SPAG17: variants seen among roughly 807,000 people sequenced by gnomAD.
SPAG17 encodes the protein sperm associated antigen 17.
In SPAG17, 169 loss-of-function variants were observed where a neutral mutation model predicts 273.6. The ratio of observed to expected loss-of-function variants is 0.62; its 90% CI spans 0.55 to 0.70. The LOEUF (loss-of-function observed/expected upper bound fraction) is 0.70, where lower values mean the gene tolerates loss of function less well. Among genes scored for constraint, SPAG17 ranks in the 30% least tolerant of loss-of-function variants. The pLI is 0.00. For synonymous variants in SPAG17, 825 were observed against 873.2 expected (o/e 0.94, Z 0.97); for missense variants, 2,557 against 2,627.8 (o/e 0.97, Z 0.59).
At chr1:118,095,189 A>C (rs1655628475) in intron 7 of SPAG17, among the ~76,000 whole-genome samples, 1 of 152,238 alleles carries the variant, frequency 6.6e-6, no homozygotes, top group Admixed American at 6.5e-5. Context: ...GGAAGTGATT[A>C]AAATGTGGAC....
chr1:118,012,320 G>A lies in SPAG17; in HGVS notation c.4340C>T (p.Thr1447Ile). Residue 1447 changes from threonine to isoleucine, a missense_variant, in exon 30 of 49, where the codon ACT becomes ATT. Transcript: ENST00000336338. ...KVVIVERKDG[T>I]RIVDHADGTR... ...ACCATCAGCATGATCCACTATCCGA[G>A]TACCATCTTTCCTTTCAACTATGAC... The A allele has an allele frequency of 1.2e-6, 2 of 1,613,732 alleles. No homozygotes were observed. The highest frequency in any genetic ancestry group is 1.7e-6 in the Non-Finnish European group (2 of 1,179,790).
At chr1:118,146,985 T>C (rs1440049071) in intron 3 of SPAG17, among the ~76,000 whole-genome samples, 1 of 152,212 alleles carries the variant, frequency 6.6e-6, no homozygotes, top group African/African-American at 2.4e-5. Context: ...CCCCAGCTAA[T>C]GATAATCTCA....
chr1:118,046,818 T>C (rs188779785), intron 20 of SPAG17, among the ~76,000 whole-genome samples: 1 of 152,304 alleles, frequency 6.6e-6, no homozygotes, highest in East Asian at 1.9e-4. Flanking sequence ...GAGTGAATAT[T>C]AATGTTTCCT....
chr1:118,073,416 C>T (rs1346228244), intron 17 of SPAG17, among the ~76,000 whole-genome samples: 2 of 152,118 alleles, frequency 1.3e-5, no homozygotes, highest in African/African-American at 4.8e-5. Context: ...ATGGTAAGTG[C>T]TCAATGAATG....
intron 18 of SPAG17, 39 bp from the exon 19 acceptor site, chr1:118,055,953 G>A: frequency 6.6e-7 from 1 of 1,522,862 alleles, no homozygotes; most frequent in Non-Finnish European, 8.9e-7. Context: ...GAGTTACTAT[G>A]AAAGTCAATA....
chr1:118,061,834 A>C (rs1322377923), intron 18 of SPAG17, among the ~76,000 whole-genome samples: 1 of 152,228 alleles, frequency 6.6e-6, no homozygotes, highest in East Asian at 1.9e-4. Flanking sequence ...AGAATGAATC[A>C]AACAACATAG....
At chr1:117,997,807 C>G (rs1657823077) in intron 32 of SPAG17, among the ~76,000 whole-genome samples, 1 of 152,130 alleles carries the variant, frequency 6.6e-6, no homozygotes, top group East Asian at 1.9e-4. Context: ...TTTGTATTTC[C>G]TATAATTTTA....
intron 3 of SPAG17, among the ~76,000 whole-genome samples, chr1:118,140,270 T>G (rs965753673): frequency 2.0e-5 from 3 of 152,214 alleles, no homozygotes; most frequent in Non-Finnish European, 4.4e-5. Context: ...ATACATTTTT[T>G]CTTTTTTTAA....
intron 3 of SPAG17, 118 bp downstream of exon 3, chr1:118,150,425 C>T: frequency 2.0e-6 from 1 of 507,540 alleles, no homozygotes; most frequent in Admixed American, 4.0e-5. Context: ...ACAAATATCT[C>T]CAATGAGGAG....
At chr1:118,086,576 G>A in intron 12 of SPAG17, 95 bp downstream of exon 12, 1 of 1,023,976 alleles carries the variant, frequency 9.8e-7, no homozygotes, top group Non-Finnish European at 1.5e-6. Flanking sequence ...TTTAATTAGT[G>A]TTGATGAAGT....
chr1:117,954,100 G>GT, intron 48 of SPAG17, 51 bp from the exon 49 acceptor site: 1 of 1,610,660 alleles, frequency 6.2e-7, no homozygotes. Context: ...AGGGAAAGAG[G>GT]TAATAAGAGA....
chr1:117,994,595 C>A, intron 34 of SPAG17, 65 bp from the exon 35 acceptor site: 1 of 1,517,178 alleles, frequency 6.6e-7, no homozygotes, highest in Non-Finnish European at 8.9e-7. Flanking sequence ...AATGAAAACG[C>A]ATTGACTAAA....
At chr1:118,017,300 G>A (rs899972025) in intron 28 of SPAG17, among the ~76,000 whole-genome samples, 2 of 151,574 alleles carry the variant, frequency 1.3e-5, no homozygotes, top group Non-Finnish European at 2.9e-5. Flanking sequence ...CTCTCCTTCT[G>A]TTCTTGTTAC....
chr1:118,036,621 C>T, intron 24 of SPAG17, 149 bp downstream of exon 24: 1 of 607,932 alleles, frequency 1.6e-6, no homozygotes, highest in African/African-American at 1.9e-5. Context: ...CACACACACA[C>T]ACACCTCTTC....
chr1:118,080,060 G>A (rs959010018), intron 15 of SPAG17, among the ~76,000 whole-genome samples: 4 of 152,246 alleles, frequency 2.6e-5, no homozygotes, highest in Middle Eastern at 3.4e-3. Context: ...TAACGAGAGT[G>A]TAGATTAATT....
At chr1:118,094,369 C>G (rs1357388594) in intron 7 of SPAG17, among the ~76,000 whole-genome samples, 2 of 152,124 alleles carry the variant, frequency 1.3e-5, no homozygotes, top group Non-Finnish European at 2.9e-5. Context: ...TTTCAGCAAC[C>G]AGGGTCTTAA....
At chr1:118,102,336 G>T (rs980328543) in intron 4 of SPAG17, among the ~76,000 whole-genome samples, 2 of 151,580 alleles carry the variant, frequency 1.3e-5, no homozygotes, top group Non-Finnish European at 2.9e-5. Context: ...GAGAGGTGGG[G>T]TTGGTTATTA....
Position 118,028,377 on chromosome 1 carries a change from T to C in SPAG17, c.3627A>G (p.Pro1209=). 6.2e-7 allele frequency: 1 copy of C among 1,613,770 alleles called. No homozygotes were observed. Among genetic ancestry groups the C allele is most frequent in the Non-Finnish European group, 8.5e-7 (1 of 1,179,788 alleles). Residue 1209 remains proline (P), a synonymous_variant, in exon 26 of 49, where the codon CCA becomes CCG. Coordinates refer to ENST00000336338, the MANE Select transcript of SPAG17 (RefSeq NM_206996.4). The part of the protein sequence containing the change: ...EEEKKEEEVE[P]EPVLQETLDV... Reference sequence around the variant, plus strand: ...CCAAAGTCTCTTGTAAAACAGGTTCTGGTTCTACTTCTTCTTCCTGTAAAT... The same window carrying C: ...CCAAAGTCTCTTGTAAAACAGGTTCCGGTTCTACTTCTTCTTCCTGTAAAT...
At chr1:118,154,053 T>TG (rs1659525098) in intron 1 of SPAG17, among the ~76,000 whole-genome samples, 1 of 152,128 alleles carries the variant, frequency 6.6e-6, no homozygotes, top group Non-Finnish European at 1.5e-5. Context: ...CTCCAAGTCA[T>TG]GGCACAGTAC....
Sources: gnomAD v4.1 joint callset for allele counts (sites outside exome capture counted in the v4.1 genomes callset) on GRCh38, gnomAD v4.1.1 for gene constraint, MANE v1.5 for transcripts, NCBI Gene and HGNC (gene_info 2026-07-23, HGNC 2026-07-21) for gene names.